TIAM2: variants seen among roughly 807,000 people sequenced by gnomAD.
TIAM2 encodes TIAM Rac1 associated GEF 2.
TIAM2 carries 80 observed loss-of-function variants against 152.9 expected under a neutral mutation model. The observed-to-expected ratio is 0.52, with a 90% CI of 0.44 to 0.63. The LOEUF is 0.63. TIAM2 is among the 30% of genes least tolerant of loss of function. The pLI, the probability that TIAM2 is intolerant of heterozygous loss-of-function variation, is 0.00. For synonymous variants in TIAM2, 804 were observed against 838.0 expected (o/e 0.96, Z 0.70); for missense variants, 1,965 against 2,120.1 (o/e 0.93, Z 1.44).
intron 1 of TIAM2, among the ~76,000 whole-genome samples, chr6:155,017,442 T>C (rs1224565081): frequency 6.6e-6 from 1 of 150,990 alleles, no homozygotes; most frequent in Non-Finnish European, 1.5e-5. Flanking sequence ...GCAGCTTCAG[T>C]GGTTGATATA....
intron 1 of TIAM2, among the ~76,000 whole-genome samples, chr6:155,062,507 A>ATTTTATT (rs36009499): frequency 6.6e-6 from 1 of 150,722 alleles, no homozygotes; most frequent in Admixed American, 6.6e-5. Flanking sequence ...ATTTTATTTT[A>ATTTTATT]TTATTTTTGT....
intron 14 of TIAM2, among the ~76,000 whole-genome samples, chr6:155,206,246 C>A (rs1781591311): frequency 6.6e-6 from 1 of 151,760 alleles, no homozygotes; most frequent in South Asian, 2.1e-4. Flanking sequence ...TTGTCCACAG[C>A]ATGGTTTTTT....
In TIAM2 at chr6:155,218,661, G is replaced by A. The variant is rs77093543; in HGVS notation, c.3168+7354G>A. Among the ~76,000 whole-genome samples the A allele has an allele frequency of 0.025, 3,851 of 152,250 alleles. 193 individuals are homozygous for A. The highest frequency in any genetic ancestry group is 0.089 in the African/African-American group (3,681 of 41,524). On this transcript the variant is annotated intron_variant, in intron 15 of 26. Transcript: ENST00000682666. This position sits in a 1 kb window ranked among gnomAD's most constrained non-coding sequence, Gnocchi z 4.5. ...TTCCTGGTGCGTCTCCCATGTATAC[G>A]TGTGTGTGTGAAGGTTTTCCCTGTT...
At chr6:155,172,288 G>A (rs1200144684) in intron 9 of TIAM2, among the ~76,000 whole-genome samples, 1 of 152,006 alleles carries the variant, frequency 6.6e-6, no homozygotes, top group Non-Finnish European at 1.5e-5. Flanking sequence ...CCAGAACAGT[G>A]GCCCAGGGCT....
chr6:155,050,400 G>A lies in TIAM2; in HGVS notation c.-208-39889G>A, dbSNP rs148324231. Among the ~76,000 whole-genome samples the A allele has an allele frequency of 2.7e-3, 413 of 152,308 alleles. 1 individual carries two copies. Among genetic ancestry groups the A allele is most frequent in the African/African-American group, 9.2e-3 (383 of 41,576 alleles). ...ACTTTTTGAGGGAAGGTCTTGTGAAGAACGGTATTCTAAGCTGTAGGTGTC... is the reference window on the plus strand; with the variant it reads ...ACTTTTTGAGGGAAGGTCTTGTGAAAAACGGTATTCTAAGCTGTAGGTGTC... On this transcript the variant is annotated intron_variant, in intron 1 of 26. Coordinates refer to ENST00000682666, the MANE Select transcript of TIAM2 (RefSeq NM_012454.4).
At chr6:155,256,144 G>A (rs1356122928) in intron 26 of TIAM2, 3 of 453,852 alleles carry the variant, frequency 6.6e-6, no homozygotes, top group Non-Finnish European at 1.2e-5. Flanking sequence ...TGAAAGAAAG[G>A]AGCCTAGATT....
At chr6:155,014,269 C>T (rs1562289824) in intron 1 of TIAM2, among the ~76,000 whole-genome samples, 1 of 152,152 alleles carries the variant, frequency 6.6e-6, no homozygotes, top group Non-Finnish European at 1.5e-5. Context: ...TATTTGAGGT[C>T]ATTGACCTTA....
chr6:155,117,542 A>G (rs1463112985), intron 2 of TIAM2, among the ~76,000 whole-genome samples: 3 of 152,162 alleles, frequency 2.0e-5, no homozygotes, highest in African/African-American at 7.2e-5. Flanking sequence ...TCCTGGGCTC[A>G]AGCAATTCTC....
In TIAM2 at chr6:155,196,548, G is replaced by A. The variant is rs1477200518; in HGVS notation, c.3064+13048G>A. 3.3e-5 allele frequency among the ~76,000 whole-genome samples: 5 copies of A among 152,076 alleles called. No individual in the cohort carries two copies. The South Asian group carries it at 8.3e-4, about 25-fold the overall frequency. On this transcript the variant is annotated intron_variant, in intron 14 of 26. Transcript: ENST00000682666. The stretch of plus-strand genomic sequence containing the variant: ...ATCTTAATAATCTTACCTAGAAGAT[G>A]CTCTAAATGGTAAATGAATTTACAA...
At chr6:155,016,822 C>G (rs1157074525) in intron 1 of TIAM2, among the ~76,000 whole-genome samples, 1 of 152,150 alleles carries the variant, frequency 6.6e-6, no homozygotes, top group East Asian at 1.9e-4. Flanking sequence ...ATCGCTTGAA[C>G]CTGGGAAGCG....
chr6:155,177,036 T>C, intron 10 of TIAM2, 59 bp downstream of exon 10: 3 of 1,529,326 alleles, frequency 2.0e-6, no homozygotes, highest in Non-Finnish European at 2.6e-6. Flanking sequence ...AATGTTGCAA[T>C]CTTATGCCTT....
chr6:155,110,266 A>G (rs1436330213), intron 2 of TIAM2, among the ~76,000 whole-genome samples: 1 of 146,606 alleles, frequency 6.8e-6, no homozygotes, highest in African/African-American at 2.5e-5. Flanking sequence ...ATGCACATAC[A>G]TTTCCTTTCC....
chr6:155,107,939 A>G (rs1778739417), intron 2 of TIAM2, among the ~76,000 whole-genome samples: 1 of 152,202 alleles, frequency 6.6e-6, no homozygotes, highest in Admixed American at 6.5e-5. Flanking sequence ...AATTTGGCCA[A>G]GCATGTAATT....
At chr6:155,154,424 G>C (rs1780055301) in intron 7 of TIAM2, among the ~76,000 whole-genome samples, 2 of 152,138 alleles carry the variant, frequency 1.3e-5, no homozygotes, top group Non-Finnish European at 2.9e-5. Flanking sequence ...ACATGCTCTG[G>C]CCGTGTCCTG....
At chr6:155,224,669 CTG>C (rs1189309590) in intron 15 of TIAM2, among the ~76,000 whole-genome samples, 2 of 152,252 alleles carry the variant, frequency 1.3e-5, no homozygotes, top group African/African-American at 4.8e-5. Flanking sequence ...CACACCCCGA[CTG>C]TGTTTGTTCA....
intron 12 of TIAM2, among the ~76,000 whole-genome samples, chr6:155,180,161 C>T (rs1780864512): frequency 2.6e-5 from 4 of 152,146 alleles, no homozygotes; most frequent in Non-Finnish European, 5.9e-5. Context: ...TGCCTGTAAT[C>T]CCAGCTACTC....
intron 9 of TIAM2, among the ~76,000 whole-genome samples, chr6:155,167,964 C>T (rs1263683118): frequency 1.3e-5 from 2 of 152,156 alleles, no homozygotes. Flanking sequence ...GGTTTTTACC[C>T]AGCATCTGTG....
chr6:155,048,491 G>T (rs1037397836), intron 1 of TIAM2, among the ~76,000 whole-genome samples: 1 of 152,118 alleles, frequency 6.6e-6, no homozygotes, highest in Non-Finnish European at 1.5e-5. Flanking sequence ...AACAGCAAAC[G>T]AGTAAACAAG....
At chr6:155,178,737 G>T (rs906274709) in intron 10 of TIAM2, among the ~76,000 whole-genome samples, 1 of 151,982 alleles carries the variant, frequency 6.6e-6, no homozygotes, top group Non-Finnish European at 1.5e-5. Flanking sequence ...ACTACACCTG[G>T]CTAATTTTTG....
Sources: allele counts gnomAD v4.1 joint callset (sites outside exome capture counted in the v4.1 genomes callset), GRCh38; gene constraint gnomAD v4.1.1; non-coding constraint Gnocchi (gnomAD v3.1); transcripts MANE v1.5; gene names NCBI Gene and HGNC (gene_info 2026-07-23, HGNC 2026-07-21).